KAZN: variants seen among roughly 807,000 people sequenced by gnomAD.
KAZN encodes kazrin.
Under a neutral mutation model 87.4 loss-of-function variants are expected in KAZN, and 40 were observed. The observed-to-expected ratio is 0.46, with a 90% confidence interval of 0.36 to 0.60. The LOEUF (loss-of-function observed/expected upper bound fraction) is 0.60. KAZN is among the 20% of genes least tolerant of loss of function. KAZN has a pLI of 0.00. For synonymous variants in KAZN, 466 were observed against 458.3 expected, an observed-to-expected ratio of 1.02 and a Z score of -0.22; for missense variants, 898 against 1,073.9, an observed-to-expected ratio of 0.84 and a Z score of 2.29.
In KAZN at chr1:15,094,480, G is replaced by T; in HGVS notation, c.1428+95G>T. The T allele has an allele frequency of 8.5e-7, 1 of 1,177,864 alleles. No homozygotes were observed. Among genetic ancestry groups the T allele is most frequent in the Non-Finnish European group, 1.2e-6 (1 of 829,534 alleles). 73.0% of individuals were successfully genotyped at this position (1,177,864 alleles called of 1,614,324 possible). On this transcript the variant is annotated intron_variant, in intron 9 of 14. Coordinates refer to ENST00000376030, the MANE Select transcript of KAZN (RefSeq NM_201628.3). This position sits in a 1 kb window ranked among gnomAD's most constrained non-coding sequence, Gnocchi z 4.5. Reference sequence around the variant, plus strand: ...GCCTGCCCCCCACTCCTACCCTGGAGTCAGGAGAAGGTGCAATCTAGGAGC... The same window carrying T: ...GCCTGCCCCCCACTCCTACCCTGGATTCAGGAGAAGGTGCAATCTAGGAGC...
intron 2 of KAZN, among the ~76,000 whole-genome samples, chr1:14,221,677 A>G (rs1335304536): frequency 6.6e-6 from 1 of 152,172 alleles, no homozygotes; most frequent in Admixed American, 6.5e-5. Context: ...GGCTATAATC[A>G]ACCACCACTG....
chr1:14,036,204 G>A (rs1641550862), intron 1 of KAZN, among the ~76,000 whole-genome samples: 1 of 152,176 alleles, frequency 6.6e-6, no homozygotes, highest in Admixed American at 6.5e-5. Context: ...GAGCAAGGAG[G>A]TTTCTCTTCC....
At chr1:15,051,441 C>T (rs1028499963) in intron 4 of KAZN, among the ~76,000 whole-genome samples, 3 of 152,226 alleles carry the variant, frequency 2.0e-5, no homozygotes, top group Non-Finnish European at 4.4e-5. Context: ...TAACTGAGCA[C>T]TATGGCTGCT....
intron 1 of KAZN, among the ~76,000 whole-genome samples, chr1:14,903,033 T>C (rs573355847): frequency 1.3e-5 from 2 of 152,128 alleles, no homozygotes; most frequent in South Asian, 4.2e-4. Flanking sequence ...CACGCCCAGC[T>C]AATTTTTGTA....
upstream of KAZN, among the ~76,000 whole-genome samples, chr1:14,598,127 C>A (rs1203289894): frequency 6.6e-6 from 1 of 152,126 alleles, no homozygotes; most frequent in Non-Finnish European, 1.5e-5. This position sits in a 1 kb window ranked among gnomAD's most constrained non-coding sequence, Gnocchi z 4.2. Flanking sequence ...GGAGCACCAG[C>A]GGCCCACGCC....
intron 1 of KAZN, among the ~76,000 whole-genome samples, chr1:13,945,923 A>G (rs1394831531): frequency 1.3e-5 from 2 of 151,948 alleles, no homozygotes; most frequent in East Asian, 3.9e-4. Flanking sequence ...CCAAGTCCCT[A>G]TTGCTGGACT....
chr1:14,505,987 C>T (rs1431184231), intron 2 of KAZN, among the ~76,000 whole-genome samples: 2 of 152,046 alleles, frequency 1.3e-5, no homozygotes. Context: ...AAAAAAAGTT[C>T]TGGAGGTGAA....
chr1:14,040,106 A>G (rs572320130), intron 1 of KAZN, among the ~76,000 whole-genome samples: 710 of 48,620 alleles, frequency 0.015, 6 homozygotes, highest in African/African-American at 0.042. Context: ...AGAGAGAGAC[A>G]GAGAGAGAGA....
At chr1:14,459,514 G>A (rs572989616) in intron 2 of KAZN, among the ~76,000 whole-genome samples, 1 of 152,272 alleles carries the variant, frequency 6.6e-6, no homozygotes, top group South Asian at 2.1e-4. Flanking sequence ...TATCCCAGTT[G>A]CAATCAATTG....
At chr1:13,956,310 C>CT (rs71576051) in intron 1 of KAZN, among the ~76,000 whole-genome samples, 43 of 138,570 alleles carry the variant, frequency 3.1e-4, no homozygotes, top group South Asian at 1.8e-3. Context: ...TCTTTTTTTT[C>CT]TTTTTTTTTT....
intron 4 of KAZN, among the ~76,000 whole-genome samples, chr1:15,048,613 TGGTCCTGGGTCGTC>T (rs1428878494): frequency 0.01 from 1,367 of 130,902 alleles, 20 homozygotes; most frequent in African/African-American, 0.041. Flanking sequence ...CCTGGGTCGC[TGGTCCTGGGTCGTC>T]GGTCCTGGGT....
intron 1 of KAZN, among the ~76,000 whole-genome samples, chr1:14,827,475 T>C (rs1646927168): frequency 6.6e-6 from 1 of 152,176 alleles, no homozygotes; most frequent in Non-Finnish European, 1.5e-5. Flanking sequence ...TCCTCGTAGC[T>C]TAGCCTCCAC....
intron 2 of KAZN, among the ~76,000 whole-genome samples, chr1:14,229,347 C>T (rs560706018): frequency 2.8e-4 from 42 of 152,180 alleles, no homozygotes; most frequent in African/African-American, 9.2e-4. Context: ...TAAAAGCCTT[C>T]GAGTGCTTCG....
rs1207166535 is a variant in KAZN at position 14,095,357 on chromosome 1, GA to G, written c.92-85076del. On this transcript the variant is annotated intron_variant, in intron 1 of 16. Transcript: ENST00000636203. ...CTTTCTTTCTGAGCCTGTATAGGCTGAATTCACATACGTTGCATAAGCAGGT... is the reference window on the plus strand; with the variant it reads ...CTTTCTTTCTGAGCCTGTATAGGCTGATTCACATACGTTGCATAAGCAGGT... Among the ~76,000 whole-genome samples, 6 of 152,276 alleles carry G rather than the reference GA, an allele frequency of 3.9e-5. No individual in the cohort carries two copies. In the East Asian group the frequency reaches 1.2e-3, roughly 29 times the overall value.
intron 2 of KAZN, among the ~76,000 whole-genome samples, chr1:14,528,230 C>CAAGAG (rs1417382899): frequency 1.4e-5 from 2 of 143,562 alleles, no homozygotes; most frequent in Non-Finnish European, 3.0e-5. Flanking sequence ...CCCAGCTACT[C>CAAGAG]AAGAGGCTGA....
At chr1:14,756,703 C>T (rs1644576777) in intron 1 of KAZN, among the ~76,000 whole-genome samples, 1 of 152,218 alleles carries the variant, frequency 6.6e-6, no homozygotes, top group South Asian at 2.1e-4. Flanking sequence ...ATCTCTTCAA[C>T]TCCCCAGGTC....
chr1:15,002,375 C>T (rs962254045), intron 2 of KAZN, among the ~76,000 whole-genome samples: 1 of 152,254 alleles, frequency 6.6e-6, no homozygotes, highest in East Asian at 1.9e-4. Flanking sequence ...TTGACTGGGC[C>T]AAGAGTCAAT....
chr1:14,207,113 G>C (rs927703188), intron 2 of KAZN, among the ~76,000 whole-genome samples: 7 of 151,882 alleles, frequency 4.6e-5, no homozygotes, highest in Non-Finnish European at 2.9e-5. Flanking sequence ...ACAGGCACGT[G>C]GCATCATACC....
In KAZN at chr1:14,301,235, C is replaced by T. The variant is rs79931053; in HGVS notation, c.249+120643C>T. Among the ~76,000 whole-genome samples the T allele has an allele frequency of 2.6e-3, 391 of 152,264 alleles. 3 individuals are homozygous for T. Among genetic ancestry groups the T allele is most frequent in the African/African-American group, 9.0e-3 (376 of 41,562 alleles). The stretch of plus-strand genomic sequence containing the variant: ...AGACACTCCTTGGAATTCACATACC[C>T]GGTTGCATTTGCTCTATCTGATGAC... On this transcript the variant is annotated intron_variant, in intron 2 of 16. Coordinates refer to the KAZN transcript ENST00000636203.
Sources: gnomAD v4.1 joint callset for allele counts (sites outside exome capture counted in the v4.1 genomes callset) on GRCh38, gnomAD v4.1.1 for gene constraint, Gnocchi (gnomAD v3.1) non-coding constraint, MANE v1.5 for transcripts, NCBI Gene and HGNC (gene_info 2026-07-23, HGNC 2026-07-21) for gene names.